Variants in PID1 observed in about 807,000 individuals in gnomAD.
The protein encoded by PID1 is phosphotyrosine interaction domain containing 1.
PID1 carries 10 observed loss-of-function variants against 19.1 expected under a neutral mutation model. The observed-to-expected ratio is 0.52, with a 90% confidence interval of 0.32 to 0.89. The LOEUF (loss-of-function observed/expected upper bound fraction) is 0.89. Ranked by LOEUF, PID1 falls within the 40% of genes least tolerant of loss-of-function variation. The probability of loss-of-function intolerance (pLI) is 0.03; values close to 1 mark genes in which losing one functional copy is unlikely to be tolerated. For missense variants in PID1, 248 were observed against 285.3 expected (o/e 0.87, Z 0.94); for synonymous variants, 130 against 116.0 (o/e 1.12, Z -0.78).
chr2:229,079,109 G>A (rs1275029320), intron 2 of PID1, among the ~76,000 whole-genome samples: 1 of 152,134 alleles, frequency 6.6e-6, no homozygotes, highest in African/African-American at 2.4e-5. Context: ...TTATTTAAAA[G>A]ATATACTTTT....
chr2:229,258,012 T>A (rs964876288), intron 1 of PID1, among the ~76,000 whole-genome samples: 1 of 152,156 alleles, frequency 6.6e-6, no homozygotes, highest in African/African-American at 2.4e-5. Context: ...GCCCAGCCAG[T>A]CATAGGGGCC....
chr2:229,176,221 A>T (rs1163689760), intron 1 of PID1, among the ~76,000 whole-genome samples: 1 of 152,228 alleles, frequency 6.6e-6, no homozygotes, highest in African/African-American at 2.4e-5. Flanking sequence ...AACAAGAAGG[A>T]TATGGAAACT....
At chr2:229,083,626 G>A (rs1247394433) in intron 2 of PID1, among the ~76,000 whole-genome samples, 2 of 152,200 alleles carry the variant, frequency 1.3e-5, no homozygotes, top group Non-Finnish European at 2.9e-5. Flanking sequence ...ATATATGGGT[G>A]TATTCTCATT....
At chr2:229,078,924 A>C (rs1694615402) in intron 2 of PID1, among the ~76,000 whole-genome samples, 1 of 152,218 alleles carries the variant, frequency 6.6e-6, no homozygotes, top group African/African-American at 2.4e-5. Context: ...AGAGTGAGGA[A>C]AATGGAAAAG....
intron 2 of PID1, among the ~76,000 whole-genome samples, chr2:229,034,025 G>A (rs1445507727): frequency 1.3e-5 from 2 of 152,204 alleles, no homozygotes; most frequent in Non-Finnish European, 2.9e-5. Context: ...GAAGAGTGGA[G>A]ATGGATCTGC....
intron 1 of PID1, among the ~76,000 whole-genome samples, chr2:229,258,527 C>T (rs1690364717): frequency 6.6e-6 from 1 of 152,056 alleles, no homozygotes; most frequent in African/African-American, 2.4e-5. Context: ...CTATGCCTGG[C>T]AAATAATGAG....
At chr2:229,170,904 A>G (rs1203973846) in intron 1 of PID1, among the ~76,000 whole-genome samples, 1 of 152,242 alleles carries the variant, frequency 6.6e-6, no homozygotes, top group African/African-American at 2.4e-5. Flanking sequence ...CAGAGTAAAC[A>G]TACTTTCAAA....
intron 1 of PID1, among the ~76,000 whole-genome samples, chr2:229,249,326 T>G (rs1690086254): frequency 6.6e-6 from 1 of 152,134 alleles, no homozygotes; most frequent in African/African-American, 2.4e-5. Context: ...GTAAGAAAAA[T>G]ACCTCTCTCA....
At chr2:229,194,496 A>C (rs554260735) in intron 1 of PID1, among the ~76,000 whole-genome samples, 16 of 152,072 alleles carry the variant, frequency 1.1e-4, no homozygotes, top group African/African-American at 1.9e-4. Context: ...CCTCTAAGAA[A>C]CAGAATTTTT....
At chr2:229,100,417 C>A (rs76322817) in intron 2 of PID1, among the ~76,000 whole-genome samples, 1,977 of 152,150 alleles carry the variant, frequency 0.013, 25 homozygotes, top group Non-Finnish European at 0.021. Flanking sequence ...AGAAAAACTA[C>A]AAAGGAAATT....
In PID1 at chr2:229,026,214, A is replaced by G. The variant is rs7355668; in HGVS notation, c.178-106T>C. On this transcript the variant is annotated intron_variant, in intron 2 of 2. Transcript: ENST00000392055. The stretch of plus-strand genomic sequence containing the variant: ...ACACAGTCATGGTGTCACATTGGGA[A>G]GGTGAAGACACTTCTTTCTTGCTCC... 3.0e-3 allele frequency: 2,245 copies of G among 754,552 alleles called. 31 individuals carry two copies. The African/African-American group carries it at 0.035, about 12-fold the overall frequency. The allele number at this position is 754,552 out of a possible 1,614,324, so 46.7% of individuals were successfully genotyped here.
At chr2:229,072,512 C>T (rs967036136) in intron 2 of PID1, among the ~76,000 whole-genome samples, 3 of 151,856 alleles carry the variant, frequency 2.0e-5, no homozygotes, top group South Asian at 2.1e-4. Context: ...CACTTGAACC[C>T]GGGAAGTGGA....
At chr2:229,041,906 A>G (rs1693778253) in intron 2 of PID1, among the ~76,000 whole-genome samples, 1 of 152,230 alleles carries the variant, frequency 6.6e-6, no homozygotes, top group Non-Finnish European at 1.5e-5. Flanking sequence ...GACATTAATG[A>G]GACCAATCTC....
intron 2 of PID1, among the ~76,000 whole-genome samples, chr2:229,134,922 G>T (rs1689828965): frequency 9.4e-6 from 1 of 106,238 alleles, no homozygotes; most frequent in South Asian, 2.7e-4. Flanking sequence ...CCCACAAATA[G>T]AAATTTTATG....
At position 229,026,049 on chromosome 2, in the gene PID1, T is replaced by G; in HGVS notation, c.237A>C (p.Glu79Asp). The G allele has an allele frequency of 6.2e-7, 1 of 1,614,178 alleles. No individual in the cohort carries two copies. The highest frequency in any genetic ancestry group is 8.5e-7 in the Non-Finnish European group (1 of 1,180,018). Reference sequence around the variant, plus strand: ...TCTTCCAGAGCTCAATGACTGGCTTTTCTGTGCAGCCTGACAAAAACTGCA... The same window carrying G: ...TCTTCCAGAGCTCAATGACTGGCTTGTCTGTGCAGCCTGACAAAAACTGCA... ...TGMQFLSGCTEKPVIELWKKH... is the reference protein window; with the variant it reads ...TGMQFLSGCTDKPVIELWKKH... The change falls in exon 3 of 3, where the codon GAA becomes GAC. Residue 79 changes from glutamate (E) to aspartate (D), a missense_variant. Glu to Asp is a conservative substitution (Grantham distance 45, BLOSUM62 2). Coordinates refer to ENST00000392055, the MANE Select transcript of PID1 (RefSeq NM_001100818.2).
intron 2 of PID1, among the ~76,000 whole-genome samples, chr2:229,035,455 C>A (rs553276774): frequency 6.6e-6 from 1 of 152,060 alleles, no homozygotes; most frequent in South Asian, 2.1e-4. Context: ...TCTCCACCCC[C>A]CTCCTTCCCT....
In PID1 at chr2:229,069,213, T is replaced by C. The variant is rs537355024; in HGVS notation, c.178-43105A>G. Among the ~76,000 whole-genome samples, 8 of 144,642 alleles carry C rather than the reference T, an allele frequency of 5.5e-5. No individual in the cohort carries two copies. In the East Asian group the frequency reaches 1.7e-3, roughly 30 times the overall value. 94.9% of individuals were successfully genotyped at this position (144,642 alleles called of 152,430 possible). A position where few individuals can be genotyped will look rare whatever the true frequency, so the allele number is the denominator to read the frequency against. On this transcript the variant is annotated intron_variant, in intron 2 of 2. Coordinates refer to ENST00000392055, the MANE Select transcript of PID1 (RefSeq NM_001100818.2). ...GAGCAAGTAGGGTCAGGTAGAAAAA[T>C]TACATATTTTCTCCCATATTTAAAC... is the stretch of plus-strand genomic sequence containing the variant.
At chr2:229,078,575 T>A (rs1341449900) in intron 2 of PID1, among the ~76,000 whole-genome samples, 1 of 152,220 alleles carries the variant, frequency 6.6e-6, no homozygotes, top group Non-Finnish European at 1.5e-5. Context: ...GTTCCATCAA[T>A]ACCTACTTTA....
chr2:229,242,501 C>T (rs949639476), intron 1 of PID1, among the ~76,000 whole-genome samples: 6 of 152,102 alleles, frequency 3.9e-5, no homozygotes, highest in Admixed American at 6.5e-5. Flanking sequence ...GCTGCCTACA[C>T]TAGGAACCTC....
Sources: allele counts gnomAD v4.1 joint callset (sites outside exome capture counted in the v4.1 genomes callset), GRCh38; gene constraint gnomAD v4.1.1; transcripts MANE v1.5; gene names NCBI Gene and HGNC (gene_info 2026-07-23, HGNC 2026-07-21).